The following POU1F1 variants were observed in gnomAD, a reference collection of about 807,000 sequenced individuals.
POU1F1 encodes the protein POU class 1 homeobox 1.
A neutral mutation model predicts 32.3 loss-of-function variants in POU1F1; 23 were observed. That is an observed-to-expected ratio of 0.71 (90% CI 0.51 to 1.01). POU1F1 has a LOEUF of 1.01. POU1F1 is among the 50% of genes least tolerant of loss of function. POU1F1 has a pLI of 0.00. For synonymous variants in POU1F1, 120 were observed against 115.6 expected (o/e 1.04, Z -0.25); for missense variants, 323 against 341.6 (o/e 0.95, Z 0.43).
intron 2 of POU1F1, among the ~76,000 whole-genome samples, chr3:87,266,527 G>T (rs1010223183): frequency 6.6e-6 from 1 of 151,244 alleles, no homozygotes; most frequent in African/African-American, 2.4e-5. Flanking sequence ...AGATGTGAAA[G>T]AAATTATTTT....
rs771581828 is a variant in POU1F1 at position 87,261,277 on chromosome 3, T to C, written c.661A>G (p.Ile221Val). Residue 221 changes from isoleucine (I) to valine (V), a missense_variant, in exon 5 of 6, where the codon ATA becomes GTA. Ile to Val is a conservative substitution (Grantham distance 29). Transcript: ENST00000350375. Reference sequence around the variant, plus strand: ...AACTTTTAATATAAAGAATACCTTATAGTTGTTCTTCGTTTTCTTTTCCTT... The same window carrying C: ...AACTTTTAATATAAAGAATACCTTACAGTTGTTCTTCGTTTTCTTTTCCTT... The part of the protein sequence containing the change: ...NERKRKRRTT[I>V]SIAAKDALER... The C allele has an allele frequency of 2.5e-6, 4 of 1,573,438 alleles. No homozygotes were observed. The highest frequency in any genetic ancestry group is 1.4e-5 in the African/African-American group (1 of 73,938).
chr3:87,260,865 A>T (rs1052016600), intron 5 of POU1F1, among the ~76,000 whole-genome samples: 1 of 45,392 alleles, frequency 2.2e-5, no homozygotes, highest in Non-Finnish European at 4.4e-5. Flanking sequence ...CATTATTATT[A>T]TTTTTTTTTT....
intron 3 of POU1F1, 134 bp from the exon 4 acceptor site, chr3:87,262,369 G>T: frequency 1.1e-6 from 1 of 917,804 alleles, no homozygotes; most frequent in Non-Finnish European, 1.6e-6. Flanking sequence ...TGGCAAATCA[G>T]AATTATTTAG....
Position 87,260,009 on chromosome 3 carries a change from T to C in POU1F1, c.761A>G (p.Glu254Gly). The C allele has an allele frequency of 1.9e-6, 3 of 1,614,130 alleles. No homozygotes were observed. The highest frequency in any genetic ancestry group is 2.5e-6 in the Non-Finnish European group (3 of 1,180,000). ...IMRMAEELNLEKEVVRVWFCN... is the reference protein window; with the variant it reads ...IMRMAEELNLGKEVVRVWFCN... Reference sequence around the variant, plus strand: ...AAACCAAACTCTTACTACTTCTTTCTCCAGATTCAGTTCTTCAGCCATCCT... The same window carrying C: ...AAACCAAACTCTTACTACTTCTTTCCCCAGATTCAGTTCTTCAGCCATCCT... The change falls in exon 6 of 6, where the codon GAG (glutamate) becomes GGG (glycine). Residue 254 changes from glutamate (E) to glycine (G), a missense_variant. Glu to Gly is a moderately conservative substitution (Grantham distance 98, BLOSUM62 -2). Transcript: ENST00000350375.
At chr3:87,269,708 T>TC (rs1190573553) in intron 2 of POU1F1, among the ~76,000 whole-genome samples, 7 of 152,152 alleles carry the variant, frequency 4.6e-5, no homozygotes, top group African/African-American at 1.7e-4. Flanking sequence ...TAATATCCAC[T>TC]TCTCATGAAA....
Position 87,274,175 on chromosome 3 carries a change from C to T in POU1F1, c.143-757G>A, listed in dbSNP as rs371662038. On this transcript the variant is annotated intron_variant, in intron 1 of 5. Coordinates refer to ENST00000350375, the MANE Select transcript of POU1F1 (RefSeq NM_000306.4). ...TTGAGTGACTTAATATCCATAAAGC[C>T]ATAAAGCCGTACATAAACATAACCG... 2.6e-5 allele frequency among the ~76,000 whole-genome samples: 4 copies of T among 152,044 alleles called. No individual in the cohort carries two copies. In the East Asian group the frequency reaches 7.7e-4, roughly 29 times the overall value.
At chr3:87,266,379 T>G (rs1706623012) in intron 2 of POU1F1, among the ~76,000 whole-genome samples, 1 of 147,506 alleles carries the variant, frequency 6.8e-6, no homozygotes, top group African/African-American at 2.4e-5. Context: ...AATTATAAAT[T>G]TATATAAAAA....
chr3:87,265,656 A>T (rs960748176), intron 2 of POU1F1, among the ~76,000 whole-genome samples: 2 of 152,086 alleles, frequency 1.3e-5, no homozygotes, highest in Non-Finnish European at 2.9e-5. Flanking sequence ...TAAAGTAAAA[A>T]ATAACAACAC....
chr3:87,267,322 A>G (rs1411527178), intron 2 of POU1F1, among the ~76,000 whole-genome samples: 1 of 152,146 alleles, frequency 6.6e-6, no homozygotes, highest in Non-Finnish European at 1.5e-5. Flanking sequence ...AGTAGAAAGA[A>G]AGTAAATAAC....
intron 2 of POU1F1, among the ~76,000 whole-genome samples, chr3:87,268,587 T>A (rs1262679526): frequency 1.3e-5 from 2 of 152,148 alleles, no homozygotes; most frequent in Non-Finnish European, 2.9e-5. Flanking sequence ...ATGATATGTA[T>A]AGCAATATGT....
intron 4 of POU1F1, 94 bp downstream of exon 4, chr3:87,261,977 C>G (rs1706522428): frequency 6.8e-7 from 1 of 1,469,958 alleles, no homozygotes; most frequent in South Asian, 1.1e-5. Context: ...GAAAAAAACC[C>G]CTCAAACCTC....
intron 2 of POU1F1, 40 bp from the exon 3 acceptor site, chr3:87,264,552 G>C: frequency 1.4e-6 from 2 of 1,444,258 alleles, no homozygotes; most frequent in Non-Finnish European, 1.9e-6. Flanking sequence ...AAGACCATTT[G>C]TCATTCTCCT....
At position 87,264,393 on chromosome 3, in the gene POU1F1, T is replaced by A; in HGVS notation, c.334A>T (p.Arg112Trp). 1 of 1,613,940 alleles carries A rather than the reference T, an allele frequency of 6.2e-7. No homozygotes were observed. The highest frequency in any genetic ancestry group is 8.5e-7 in the Non-Finnish European group (1 of 1,179,846). The change falls in exon 3 of 6, where the codon AGG becomes TGG. Residue 112 changes from arginine to tryptophan, a missense_variant. Physicochemically the swap from Arg to Trp is moderately radical, Grantham distance 101. Transcript: ENST00000350375. ...PTAADFKQEL[R>W]RKSKLVEEPI... is the part of the protein sequence containing the mutation. ...TCTTCCACCAATTTACTTTTCCGCCTGAGTTCCTGCTTGAAATCAGCAGCT... is the reference window on the plus strand; with the variant it reads ...TCTTCCACCAATTTACTTTTCCGCCAGAGTTCCTGCTTGAAATCAGCAGCT...
chr3:87,259,412 A>C lies in POU1F1; in HGVS notation c.*482T>G, dbSNP rs778843475. The C allele has an allele frequency of 6.3e-6, 1 of 158,674 alleles. No individual in the cohort carries two copies. Among genetic ancestry groups the C allele is most frequent in the African/African-American group, 2.4e-5 (1 of 41,236 alleles). The allele number at this position is 158,674 out of a possible 1,614,324, so 9.8% of individuals were successfully genotyped here. A position where few individuals can be genotyped will look rare whatever the true frequency, so the allele number is the denominator to read the frequency against. ...AAAGGGAGTAATAAAACTATAAGAC[A>C]CCTCCAGCTCTTAAGTTCAAAACTT... On this transcript the variant is annotated 3_prime_UTR_variant, in exon 6 of 6. Transcript: ENST00000350375.
intron 2 of POU1F1, among the ~76,000 whole-genome samples, chr3:87,265,075 T>C (rs1191418229): frequency 6.6e-6 from 1 of 152,086 alleles, no homozygotes; most frequent in Non-Finnish European, 1.5e-5. Flanking sequence ...CACATCTTTT[T>C]TAATTAAATG....
At chr3:87,269,718 A>G (rs1382678262) in intron 2 of POU1F1, among the ~76,000 whole-genome samples, 5 of 152,134 alleles carry the variant, frequency 3.3e-5, no homozygotes, top group African/African-American at 1.2e-4. Flanking sequence ...TTCTCATGAA[A>G]AAGAATTGGA....
Position 87,276,355 on chromosome 3 carries a change from T to A in POU1F1, c.108A>T (p.Pro36=). 6.2e-7 allele frequency: 1 copy of A among 1,614,018 alleles called. No individual in the cohort carries two copies. Among genetic ancestry groups the A allele is most frequent in the Non-Finnish European group, 8.5e-7 (1 of 1,179,922 alleles). The change falls in exon 1 of 6, where the codon CCA becomes CCT. Residue 36 remains proline, a synonymous_variant. Coordinates refer to ENST00000350375, the MANE Select transcript of POU1F1 (RefSeq NM_000306.4). ...IMHHSAAECL[P]VSNHATNVMS... is the part of the protein sequence containing the mutation. The stretch of plus-strand genomic sequence containing the variant: ...TCACATTGGTGGCATGGTTGGAGAC[T>A]GGTAGACACTCGGCAGCACTGTGAT...
At chr3:87,274,502 TA>T (rs542712929) in intron 1 of POU1F1, among the ~76,000 whole-genome samples, 22 of 151,828 alleles carry the variant, frequency 1.4e-4, no homozygotes, top group South Asian at 2.1e-4. Context: ...CCTTTCTTCA[TA>T]AAGTAAAATA....
rs550868345 is a variant in POU1F1, at chr3:87,265,427, G to C, written c.215-915C>G. ...TGCTTCCAGATTTCCTTTTTCATTG[G>C]AAGAGTCTATCTCAGTTGGGAAGTA... On this transcript the variant is annotated intron_variant, in intron 2 of 5. Coordinates refer to ENST00000350375, the MANE Select transcript of POU1F1 (RefSeq NM_000306.4). Among the ~76,000 whole-genome samples the C allele has an allele frequency of 3.3e-5, 5 of 152,144 alleles. No homozygotes were observed. In the East Asian group the frequency reaches 9.7e-4, roughly 29 times the overall value.
Sources: gnomAD v4.1 joint callset for allele counts (sites outside exome capture counted in the v4.1 genomes callset) on GRCh38, gnomAD v4.1.1 for gene constraint, MANE v1.5 for transcripts, NCBI Gene and HGNC (gene_info 2026-07-23, HGNC 2026-07-21) for gene names.